The following ZC3H12B variants were observed in gnomAD, a reference collection of about 807,000 sequenced individuals.
The protein encoded by ZC3H12B is probable ribonuclease ZC3H12B.
In ZC3H12B, 7 loss-of-function variants were observed where a neutral mutation model predicts 43.9. The ratio of observed to expected loss-of-function variants is 0.16; its 90% CI spans 0.09 to 0.30. ZC3H12B has a LOEUF of 0.30. Among genes scored for constraint, ZC3H12B ranks in the 10% least tolerant of loss-of-function variants. The probability of loss-of-function intolerance (pLI) is 1.00; values close to 1 mark genes in which losing one functional copy is unlikely to be tolerated. For missense variants in ZC3H12B, 475 were observed against 670.2 expected (o/e 0.71, Z 3.22); for synonymous variants, 222 against 241.7 (o/e 0.92, Z 0.76).
At chrX:65,060,039 G>T in the ZC3H12B span, among the ~76,000 whole-genome samples, 5 of 111,046 alleles carry the variant, frequency 4.5e-5, no homozygotes, top group African/African-American at 1.0e-4. Flanking sequence ...ATATACACAT[G>T]CTACTTAGCA....
intron 1 of ZC3H12B, among the ~76,000 whole-genome samples, chrX:65,496,313 T>C (rs1412649495): frequency 8.9e-6 from 1 of 112,349 alleles, no homozygotes; most frequent in African/African-American, 3.2e-5. Context: ...TATGTGCATA[T>C]CTTTTTTGCT....
chrX:65,188,859 A>G, the ZC3H12B span, among the ~76,000 whole-genome samples: 1 of 106,417 alleles, frequency 9.4e-6, no homozygotes, highest in Non-Finnish European at 1.9e-5. Flanking sequence ...GGTTAGATAC[A>G]TATGTATACC....
the ZC3H12B span, among the ~76,000 whole-genome samples, chrX:65,212,374 T>G: frequency 4.0e-5 from 2 of 49,656 alleles, no homozygotes; most frequent in Non-Finnish European, 6.5e-5. Context: ...ATATTACATA[T>G]TGTATAATAT....
chrX:65,507,715 C>T (rs765784533), exon 5 of ZC3H12B: 15 of 112,107 alleles, frequency 1.3e-4, no homozygotes, highest in East Asian at 2.8e-4. Flanking sequence ...GTTTTGTCTG[C>T]CCCTATAATG....
chrX:65,462,953 C>A (rs1029953766), intron 3 of ZC3H12B, among the ~76,000 whole-genome samples: 2 of 112,221 alleles, frequency 1.8e-5, no homozygotes, highest in Non-Finnish European at 3.8e-5. Flanking sequence ...TGAATAAAAT[C>A]ATTTCATTTG....
the ZC3H12B span, among the ~76,000 whole-genome samples, chrX:65,247,575 A>G: frequency 8.9e-6 from 1 of 112,523 alleles, no homozygotes; most frequent in East Asian, 2.8e-4. Flanking sequence ...GAATGAGATA[A>G]TTTCCTTTTC....
intron 3 of ZC3H12B, among the ~76,000 whole-genome samples, chrX:65,413,984 C>T (rs2066932843): frequency 8.9e-6 from 1 of 111,904 alleles, no homozygotes. Flanking sequence ...GTGTACAAGT[C>T]TTTTACCTCC....
intron 2 of ZC3H12B, among the ~76,000 whole-genome samples, chrX:65,383,655 A>G (rs1569386193): frequency 9.0e-6 from 1 of 111,013 alleles, no homozygotes; most frequent in Non-Finnish European, 1.9e-5. Context: ...CTACCATCAG[A>G]GTGAACAGGC....
At chrX:65,338,549 G>C in the ZC3H12B span, among the ~76,000 whole-genome samples, 1 of 111,345 alleles carries the variant, frequency 9.0e-6, no homozygotes, top group Non-Finnish European at 1.9e-5. Context: ...AAATCGGGCA[G>C]AGACACAAGG....
the ZC3H12B span, among the ~76,000 whole-genome samples, chrX:65,164,435 G>A: frequency 9.0e-6 from 1 of 111,352 alleles, no homozygotes; most frequent in African/African-American, 3.3e-5. Context: ...GAGCAATTAG[G>A]GAGGATATAA....
chrX:65,366,323 CT>C (rs961423628), upstream of ZC3H12B, among the ~76,000 whole-genome samples: 1 of 111,544 alleles, frequency 9.0e-6, no homozygotes, highest in Non-Finnish European at 1.9e-5. Context: ...CTTGTTTCTT[CT>C]TCATGATGGT....
At chrX:65,396,039 T>G (rs1390114497) in intron 2 of ZC3H12B, among the ~76,000 whole-genome samples, 1 of 111,720 alleles carries the variant, frequency 9.0e-6, no homozygotes, top group East Asian at 2.8e-4. Context: ...TGATATCCCC[T>G]TTATCATTTT....
chrX:65,326,092 C>T, the ZC3H12B span, among the ~76,000 whole-genome samples: 9 of 111,341 alleles, frequency 8.1e-5, no homozygotes, highest in African/African-American at 2.9e-4. Context: ...AACTACAAAA[C>T]CCATTAGAAG....
the ZC3H12B span, among the ~76,000 whole-genome samples, chrX:65,286,569 G>GAA: frequency 9.1e-6 from 1 of 109,588 alleles, no homozygotes; most frequent in Non-Finnish European, 1.9e-5. Flanking sequence ...TAAAAGTTGA[G>GAA]AAAAAAATAT....
At chrX:65,144,570 G>A in the ZC3H12B span, among the ~76,000 whole-genome samples, 1 of 111,656 alleles carries the variant, frequency 9.0e-6, no homozygotes, top group South Asian at 3.7e-4. Flanking sequence ...TAGATTATCT[G>A]TTTGTGCTCT....
chrX:65,346,701 G>A, the ZC3H12B span, among the ~76,000 whole-genome samples: 2 of 112,231 alleles, frequency 1.8e-5, no homozygotes, highest in African/African-American at 6.5e-5. Flanking sequence ...CAGAAGTGGA[G>A]AAAAATTTCT....
the ZC3H12B span, among the ~76,000 whole-genome samples, chrX:65,060,460 T>A: frequency 8.9e-6 from 1 of 112,345 alleles, no homozygotes; most frequent in South Asian, 3.7e-4. Flanking sequence ...GAAATGGTCA[T>A]ATGATTTTTA....
At chrX:65,477,709 CT>C (rs1331726609) in intron 3 of ZC3H12B, among the ~76,000 whole-genome samples, 8 of 109,850 alleles carry the variant, frequency 7.3e-5, no homozygotes, top group African/African-American at 2.7e-4. Context: ...TTGCAGTGAG[CT>C]GCCAAGATCA....
chrX:65,379,006 T>G (rs754221230), intron 2 of ZC3H12B, among the ~76,000 whole-genome samples: 12 of 112,205 alleles, frequency 1.1e-4, no homozygotes, highest in Non-Finnish European at 2.3e-4. Context: ...GCGATCAAAC[T>G]GCAAGGCAGC....
Sources: allele counts gnomAD v4.1 joint callset (sites outside exome capture counted in the v4.1 genomes callset), GRCh38; gene constraint gnomAD v4.1.1; transcripts MANE v1.5; gene names NCBI Gene and HGNC (gene_info 2026-07-23, HGNC 2026-07-21).